The following ARHGAP31 variants were observed in gnomAD, a reference collection of about 807,000 sequenced individuals.
ARHGAP31 encodes the protein Rho GTPase activating protein 31.
A neutral mutation model predicts 113.9 loss-of-function variants in ARHGAP31; 34 were observed. The observed-to-expected ratio is 0.30, with a 90% CI of 0.23 to 0.40. The LOEUF is 0.40. ARHGAP31 is among the 10% of genes least tolerant of loss of function. The probability of loss-of-function intolerance (pLI) is 1.00; values close to 1 mark genes in which losing one functional copy is unlikely to be tolerated. For missense variants in ARHGAP31, 1,548 were observed against 1,767.1 expected (o/e 0.88, Z 2.22); for synonymous variants, 650 against 684.8 (o/e 0.95, Z 0.79).
intron 1 of ARHGAP31, among the ~76,000 whole-genome samples, chr3:119,318,234 T>TACCCCAG (rs1261117211): frequency 6.6e-6 from 1 of 152,220 alleles, no homozygotes; most frequent in Non-Finnish European, 1.5e-5. Flanking sequence ...TGCACCACTG[T>TACCCCAG]ACCCCAGCCT....
chr3:119,390,421 C>T (rs530485849), intron 6 of ARHGAP31, among the ~76,000 whole-genome samples: 8 of 152,090 alleles, frequency 5.3e-5, no homozygotes, highest in African/African-American at 1.2e-4. Flanking sequence ...CCCATCTGGC[C>T]GAAGCACTGG....
At chr3:119,307,940 C>CAAAAAAAAAAAAAAAAACAAAAA (rs2079644799) in intron 1 of ARHGAP31, among the ~76,000 whole-genome samples, 1 of 45,452 alleles carries the variant, frequency 2.2e-5, no homozygotes, top group African/African-American at 8.3e-5. Flanking sequence ...GAATTAACAG[C>CAAAAAAAAAAAAAAAAACAAAAA]AAAAAAAAAA....
intron 1 of ARHGAP31, among the ~76,000 whole-genome samples, chr3:119,306,794 C>A (rs1247809039): frequency 6.6e-6 from 1 of 152,138 alleles, no homozygotes; most frequent in Non-Finnish European, 1.5e-5. Context: ...GCCTACTGAT[C>A]TCACTTTGAG....
chr3:119,406,723 G>A (rs917769971), intron 10 of ARHGAP31, among the ~76,000 whole-genome samples: 3 of 152,214 alleles, frequency 2.0e-5, no homozygotes, highest in Non-Finnish European at 2.9e-5. Flanking sequence ...CAGCCTTTGC[G>A]TGGGACAGCC....
chr3:119,321,742 G>C (rs1206910072), intron 1 of ARHGAP31, among the ~76,000 whole-genome samples: 1 of 152,064 alleles, frequency 6.6e-6, no homozygotes, highest in African/African-American at 2.4e-5. Context: ...TCTACCTCTC[G>C]GGCTCAAGTG....
chr3:119,354,774 T>A (rs566214589), intron 1 of ARHGAP31, among the ~76,000 whole-genome samples: 1 of 150,934 alleles, frequency 6.6e-6, no homozygotes, highest in African/African-American at 2.4e-5. Context: ...GTGATCCACC[T>A]GCCATTGTGT....
intron 1 of ARHGAP31, among the ~76,000 whole-genome samples, chr3:119,300,027 C>T (rs1420555781): frequency 6.6e-6 from 1 of 152,158 alleles, no homozygotes; most frequent in East Asian, 1.9e-4. Context: ...TGGAAACCTC[C>T]GATCCTCCTG....
At position 119,402,283 on chromosome 3, in the gene ARHGAP31, A is replaced by G. The variant is rs762269503; in HGVS notation, c.1531A>G (p.Thr511Ala). ...VISTNSTPCR[T>A]PPKELQSLSS... Reference sequence around the variant, plus strand: ...CAGCACCAACAGCACGCCGTGCAGAACACCCCCGAAGGAGCTGCAGTCTCT... The same window carrying G: ...CAGCACCAACAGCACGCCGTGCAGAGCACCCCCGAAGGAGCTGCAGTCTCT... The change falls in exon 10 of 12, where the codon ACA becomes GCA. Residue 511 changes from threonine to alanine, a missense_variant. Coordinates refer to ENST00000264245, the MANE Select transcript of ARHGAP31 (RefSeq NM_020754.4). The G allele has an allele frequency of 1.2e-6, 2 of 1,614,234 alleles. No individual in the cohort carries two copies. Among genetic ancestry groups the G allele is most frequent in the Non-Finnish European group, 1.7e-6 (2 of 1,180,048 alleles).
At position 119,405,093 on chromosome 3, in the gene ARHGAP31, C is replaced by A. The variant is rs541606197; in HGVS notation, c.1645+2696C>A. Among the ~76,000 whole-genome samples the A allele has an allele frequency of 1.2e-4, 19 of 152,278 alleles. No homozygotes were observed. The South Asian group carries it at 3.9e-3, about 32-fold the overall frequency. On this transcript the variant is annotated intron_variant, in intron 10 of 11. Coordinates refer to ENST00000264245, the MANE Select transcript of ARHGAP31 (RefSeq NM_020754.4). ...AAGAGATATTAGGAGTTGCCCCATT[C>A]TTTTACTAAAGAACTTACAATAGAA... is the stretch of plus-strand genomic sequence containing the variant.
chr3:119,407,103 T>G (rs1311419612), intron 10 of ARHGAP31, among the ~76,000 whole-genome samples: 1 of 152,066 alleles, frequency 6.6e-6, no homozygotes, highest in African/African-American at 2.4e-5. Flanking sequence ...CCCAGCACTT[T>G]GGGAGGCCGG....
At chr3:119,366,400 T>G (rs960305326) in intron 2 of ARHGAP31, among the ~76,000 whole-genome samples, 1 of 152,080 alleles carries the variant, frequency 6.6e-6, no homozygotes, top group African/African-American at 2.4e-5. Context: ...GGATTGTAAT[T>G]AAATTATACC....
intron 6 of ARHGAP31, among the ~76,000 whole-genome samples, chr3:119,384,430 T>C (rs990537121): frequency 6.6e-6 from 1 of 152,226 alleles, no homozygotes; most frequent in Non-Finnish European, 1.5e-5. Flanking sequence ...TATAACAGAA[T>C]ACCGTAGACT....
At chr3:119,303,545 G>T (rs1221711673) in intron 1 of ARHGAP31, among the ~76,000 whole-genome samples, 1 of 152,158 alleles carries the variant, frequency 6.6e-6, no homozygotes, top group Non-Finnish European at 1.5e-5. Flanking sequence ...CCCATGGCCT[G>T]ATGCTGGCCC....
chr3:119,357,462 CA>C (rs149203583), intron 1 of ARHGAP31, among the ~76,000 whole-genome samples: 11,334 of 152,184 alleles, frequency 0.074, 534 homozygotes, highest in South Asian at 0.13. Context: ...ATGAGACTGG[CA>C]GGGGGGAGTG....
intron 1 of ARHGAP31, among the ~76,000 whole-genome samples, chr3:119,343,582 G>T (rs2080029262): frequency 6.6e-6 from 1 of 152,080 alleles, no homozygotes; most frequent in Admixed American, 6.6e-5. Context: ...ACATCCCCCT[G>T]CCCCAGCCCA....
chr3:119,412,548 A>G (rs545061672), intron 11 of ARHGAP31, among the ~76,000 whole-genome samples: 1 of 152,320 alleles, frequency 6.6e-6, no homozygotes, highest in East Asian at 1.9e-4. Flanking sequence ...GAGGGGAGAC[A>G]AGGACAGCAA....
intron 1 of ARHGAP31, among the ~76,000 whole-genome samples, chr3:119,358,299 AT>A (rs2080176400): frequency 6.6e-6 from 1 of 152,260 alleles, no homozygotes; most frequent in African/African-American, 2.4e-5. Context: ...CCAAACTGCA[AT>A]GATACCACTT....
intron 11 of ARHGAP31, among the ~76,000 whole-genome samples, chr3:119,410,260 A>G (rs1178769051): frequency 6.6e-6 from 1 of 152,228 alleles, no homozygotes; most frequent in Non-Finnish European, 1.5e-5. Flanking sequence ...AGAAGTTAAA[A>G]TACAATGCTG....
At chr3:119,373,532 C>T (rs540032107) in intron 3 of ARHGAP31, among the ~76,000 whole-genome samples, 15 of 151,974 alleles carry the variant, frequency 9.9e-5, no homozygotes, top group South Asian at 4.1e-4. Flanking sequence ...GGTGCGATCA[C>T]GGCTCACTGC....
Sources: allele counts gnomAD v4.1 joint callset (sites outside exome capture counted in the v4.1 genomes callset), GRCh38; gene constraint gnomAD v4.1.1; transcripts MANE v1.5; gene names NCBI Gene and HGNC (gene_info 2026-07-23, HGNC 2026-07-21).